CELF2: variants seen among roughly 807,000 people sequenced by gnomAD.
CELF2 encodes the protein CUG triplet repeat RNA-binding protein 2.
A neutral mutation model predicts 62.6 loss-of-function variants in CELF2; 8 were observed. The observed-to-expected ratio is 0.13, with a 90% confidence interval of 0.07 to 0.23. The LOEUF is 0.23. CELF2 is among the 10% of genes least tolerant of loss of function. The pLI is 1.00. For missense variants in CELF2, 333 were observed against 671.0 expected (o/e 0.50, Z 5.56); for synonymous variants, 258 against 250.0 (o/e 1.03, Z -0.30).
chr10:10,676,682 C>A, the CELF2 span, among the ~76,000 whole-genome samples: 1 of 152,200 alleles, frequency 6.6e-6, no homozygotes, highest in Non-Finnish European at 1.5e-5. Context: ...ATGGAGGTTT[C>A]TGCTCCTGTA....
chr10:11,004,784 A>G (rs900645711), upstream of CELF2, among the ~76,000 whole-genome samples: 6 of 152,144 alleles, frequency 3.9e-5, no homozygotes, highest in African/African-American at 1.4e-4. This position sits in a 1 kb window ranked among gnomAD's most constrained non-coding sequence, Gnocchi z 5.0. Flanking sequence ...GGGTGGGGCT[A>G]AGGGTCTTGA....
chr10:11,289,209 G>A (rs549475018), intron 9 of CELF2, among the ~76,000 whole-genome samples: 30 of 151,996 alleles, frequency 2.0e-4, no homozygotes, highest in Non-Finnish European at 3.7e-4. Context: ...AAAGTCGAAC[G>A]TTTCACTGGC....
chr10:10,642,851 G>T, the CELF2 span, among the ~76,000 whole-genome samples: 1 of 152,358 alleles, frequency 6.6e-6, no homozygotes, highest in East Asian at 1.9e-4. Flanking sequence ...GGCAGCCAGT[G>T]GTGGAGGCTG....
At chr10:10,535,817 TG>T in the CELF2 span, among the ~76,000 whole-genome samples, 1 of 152,138 alleles carries the variant, frequency 6.6e-6, no homozygotes, top group Non-Finnish European at 1.5e-5. Context: ...AGGGAATTTG[TG>T]GTCAGACCAT....
rs1447335916 is a variant in CELF2 at position 11,110,289 on chromosome 10, C to T, written c.75-55197C>T. ...ACCATGTCTTAAAAAAAAAAATCTG[C>T]TTTTTGTTCTTTTCTAGCTACATTA... On this transcript the variant is annotated intron_variant, in intron 1 of 12. Transcript: ENST00000633077. This position sits in a 1 kb window ranked among gnomAD's most constrained non-coding sequence, Gnocchi z 4.0. Among the ~76,000 whole-genome samples the T allele has an allele frequency of 6.6e-6, 1 of 151,976 alleles. No individual in the cohort carries two copies. Among genetic ancestry groups the T allele is most frequent in the Non-Finnish European group, 1.5e-5 (1 of 67,992 alleles).
intron 1 of CELF2, among the ~76,000 whole-genome samples, chr10:10,811,954 A>G (rs558578687): frequency 2.0e-5 from 3 of 152,150 alleles, no homozygotes; most frequent in East Asian, 1.9e-4. Context: ...CCTCTCCCCA[A>G]ATAATGTATT....
Position 11,165,800 on chromosome 10 carries a change from C to G in CELF2, c.271+118C>G. The G allele has an allele frequency of 1.0e-6, 1 of 955,882 alleles. No individual in the cohort carries two copies. The highest frequency in any genetic ancestry group is 1.5e-6 in the Non-Finnish European group (1 of 661,868). 59.2% of individuals were successfully genotyped at this position (955,882 alleles called of 1,614,324 possible). ...GGGTAGGCAGGAGGGCTGGAAGCAG[C>G]CGGTGCTGGCGGCCCCTGTGCTCCA... On this transcript the variant is annotated intron_variant, in intron 2 of 12. Coordinates refer to ENST00000633077, the MANE Select transcript of CELF2 (RefSeq NM_001326342.2). The surrounding 1 kb of genome is among the most constrained non-coding windows in gnomAD (Gnocchi z 7.4).
At chr10:11,295,318 T>C (rs1238978853) in intron 9 of CELF2, among the ~76,000 whole-genome samples, 1 of 152,242 alleles carries the variant, frequency 6.6e-6, no homozygotes, top group Non-Finnish European at 1.5e-5. Flanking sequence ...CCTACCTGCA[T>C]GTCCTTTCTC....
rs1351581929 is a variant in CELF2, at chr10:11,331,369, A to ATAAG, written c.*2318_*2321dup. 1 of 151,614 alleles carries ATAAG rather than the reference A, an allele frequency of 6.6e-6. No homozygotes were observed. Among genetic ancestry groups the ATAAG allele is most frequent in the Non-Finnish European group, 1.5e-5 (1 of 67,868 alleles). 9.4% of individuals were successfully genotyped at this position (151,614 alleles called of 1,614,324 possible). A position where few individuals can be genotyped will look rare whatever the true frequency, so the allele number is the denominator to read the frequency against. ...GGAAAAAAAAAAAACCTATTCCAGAATAAGTTTTGTGTTGGCTTGTGAAGC... is the reference window on the plus strand; with the variant it reads ...GGAAAAAAAAAAAACCTATTCCAGAATAAGTAAGTTTTGTGTTGGCTTGTGAAGC... On this transcript the variant is annotated 3_prime_UTR_variant, in exon 13 of 13. Transcript: ENST00000633077.
rs187124513 is a variant in CELF2 at position 11,269,120 on chromosome 10, C to T, written c.619-1546C>T. On this transcript the variant is annotated intron_variant, in intron 6 of 12. Coordinates refer to ENST00000633077, the MANE Select transcript of CELF2 (RefSeq NM_001326342.2). The surrounding 1 kb of genome is among the most constrained non-coding windows in gnomAD (Gnocchi z 4.4). ...ACAACCCTTTTCCATGCAAAACCCC[C>T]TCTCTACATAATCTTCAAAGTATGT... Among the ~76,000 whole-genome samples, 1 of 152,286 alleles carries T rather than the reference C, an allele frequency of 6.6e-6. No individual in the cohort carries two copies. The highest frequency in any genetic ancestry group is 2.4e-5 in the African/African-American group (1 of 41,556).
intron 2 of CELF2, among the ~76,000 whole-genome samples, chr10:11,185,605 G>A (rs909216771): frequency 2.2e-4 from 34 of 152,132 alleles, no homozygotes; most frequent in African/African-American, 8.0e-4. Flanking sequence ...GTAGAGAGGG[G>A]GTTTCTCCAT....
At chr10:10,718,269 G>A in the CELF2 span, among the ~76,000 whole-genome samples, 41 of 152,074 alleles carry the variant, frequency 2.7e-4, no homozygotes, top group African/African-American at 8.4e-4. Flanking sequence ...AACCAAAAAC[G>A]CTTCCATTCT....
chr10:10,516,387 A>G, the CELF2 span, among the ~76,000 whole-genome samples: 1 of 152,178 alleles, frequency 6.6e-6, no homozygotes, highest in Non-Finnish European at 1.5e-5. Context: ...TACTTTTACT[A>G]TATAAAAAAT....
At chr10:11,041,561 T>C (rs922954947) in intron 1 of CELF2, among the ~76,000 whole-genome samples, 3 of 152,246 alleles carry the variant, frequency 2.0e-5, no homozygotes, top group Non-Finnish European at 1.5e-5. Flanking sequence ...CTATAGATGG[T>C]ATCAGGGTGG....
intron 1 of CELF2, among the ~76,000 whole-genome samples, chr10:11,035,675 C>T (rs2060833722): frequency 6.6e-6 from 1 of 152,192 alleles, no homozygotes; most frequent in Non-Finnish European, 1.5e-5. Context: ...GCTGGAATTT[C>T]AGAGGATTTT....
the CELF2 span, among the ~76,000 whole-genome samples, chr10:10,766,697 T>A: frequency 1.3e-5 from 2 of 152,204 alleles, no homozygotes; most frequent in African/African-American, 2.4e-5. Flanking sequence ...ACTCTGTTCA[T>A]GAGCCTGCTA....
chr10:10,982,645 C>T (rs2052281308), intron 2 of CELF2, among the ~76,000 whole-genome samples: 1 of 152,164 alleles, frequency 6.6e-6, no homozygotes, highest in African/African-American at 2.4e-5. Context: ...TCCTATTACC[C>T]TGTAGTTCCA....
At chr10:10,511,086 G>A in the CELF2 span, among the ~76,000 whole-genome samples, 1 of 152,202 alleles carries the variant, frequency 6.6e-6, no homozygotes, top group African/African-American at 2.4e-5. Flanking sequence ...TTTTGAGCTA[G>A]AGAGTTATAT....
At chr10:10,545,613 C>A in the CELF2 span, among the ~76,000 whole-genome samples, 1 of 152,130 alleles carries the variant, frequency 6.6e-6, no homozygotes, top group Admixed American at 6.6e-5. Context: ...AATATTCTGT[C>A]ATAATATCTT....
Sources: gnomAD v4.1 joint callset for allele counts (sites outside exome capture counted in the v4.1 genomes callset) on GRCh38, gnomAD v4.1.1 for gene constraint, Gnocchi (gnomAD v3.1) non-coding constraint, MANE v1.5 for transcripts, NCBI Gene and HGNC (gene_info 2026-07-23, HGNC 2026-07-21) for gene names.